ERCC6: variants seen among roughly 807,000 people sequenced by gnomAD.
The protein encoded by ERCC6 is DNA excision repair protein ERCC-6.
ERCC6 carries 116 observed loss-of-function variants against 158.7 expected under a neutral mutation model. The observed-to-expected ratio is 0.73, with a 90% confidence interval of 0.63 to 0.85. The LOEUF is 0.85. ERCC6 is among the 40% of genes least tolerant of loss of function. ERCC6 has a pLI of 0.00. For missense variants in ERCC6, 1,698 were observed against 1,799.4 expected (o/e 0.94, Z 1.02); for synonymous variants, 678 against 659.3 (o/e 1.03, Z -0.43).
chr10:49,536,044 A>ACCT (rs1258708257), intron 1 of ERCC6, among the ~76,000 whole-genome samples: 1 of 152,220 alleles, frequency 6.6e-6, no homozygotes. Context: ...TGAACCCAGG[A>ACCT]GGCAGAGGTT....
At chr10:49,517,798 C>G (rs1590461096) in intron 5 of ERCC6, among the ~76,000 whole-genome samples, 1 of 152,070 alleles carries the variant, frequency 6.6e-6, no homozygotes, top group African/African-American at 2.4e-5. Context: ...CCTGCCTTGG[C>G]CTCCTAAAGT....
intron 20 of ERCC6, 79 bp downstream of exon 20, chr10:49,460,294 A>C: frequency 2.0e-6 from 2 of 1,006,930 alleles, no homozygotes; most frequent in Non-Finnish European, 3.2e-6. Context: ...TTTTCTTCAC[A>C]TCCAGAATCA....
the ERCC6 span, among the ~76,000 whole-genome samples, chr10:49,440,422 C>T: frequency 6.6e-6 from 1 of 152,104 alleles, no homozygotes; most frequent in Non-Finnish European, 1.5e-5. Flanking sequence ...TCCGCCTGGT[C>T]CCTCCCACAA....
At chr10:49,460,864 G>A (rs569379516) in intron 19 of ERCC6, among the ~76,000 whole-genome samples, 39 of 152,034 alleles carry the variant, frequency 2.6e-4, no homozygotes, top group South Asian at 8.3e-4. Flanking sequence ...ACTCCAGCCC[G>A]GGCGAAAGGG....
intron 6 of ERCC6, chr10:49,504,073 T>C (rs1206498565): frequency 6.6e-6 from 1 of 152,214 alleles, no homozygotes; most frequent in Non-Finnish European, 1.5e-5. Flanking sequence ...TTGTACCTTC[T>C]GACTCCCTTG....
Position 49,524,749 on chromosome 10 carries a change from C to T in ERCC6, c.681G>A (p.Met227Ile), listed in dbSNP as rs1837270647. Residue 227 changes from methionine (M) to isoleucine (I), a missense_variant, in exon 5 of 21, where the codon ATG becomes ATA. By Grantham distance (10) the Met-to-Ile change is conservative (BLOSUM62 1). Coordinates refer to ENST00000355832, the MANE Select transcript of ERCC6 (RefSeq NM_000124.4). ...AEPGPSSLGSMLMPVQETAWE... is the reference protein window; with the variant it reads ...AEPGPSSLGSILMPVQETAWE... ...AGGCAGTCTCCTGGACAGGCATGAG[C>T]ATGCTGCCAAGACTGGATGGCCCCG... 6.2e-7 allele frequency: 1 copy of T among 1,603,838 alleles called. No homozygotes were observed. Among genetic ancestry groups the T allele is most frequent in the East Asian group, 2.2e-5 (1 of 44,854 alleles).
At chr10:49,481,925 C>T (rs1850987016) in intron 10 of ERCC6, among the ~76,000 whole-genome samples, 1 of 152,212 alleles carries the variant, frequency 6.6e-6, no homozygotes, top group Admixed American at 6.5e-5. Context: ...TGCCAGCCTC[C>T]CTCTTGTGAC....
chr10:49,516,201 C>T, intron 5 of ERCC6: 2 of 1,614,110 alleles, frequency 1.2e-6, no homozygotes, highest in Non-Finnish European at 1.7e-6. Context: ...GCAAATGTAG[C>T]CCAGACAGGT....
chr10:49,460,358 G>A lies in ERCC6; in HGVS notation c.4062+15C>T. ...CAAGTCTCACCCTGGAAAGCAAAAA[G>A]GTTATCTATATTACCTGGCACTTCT... On this transcript the variant is annotated intron_variant, in intron 20 of 20. Transcript: ENST00000355832. The A allele has an allele frequency of 6.3e-7, 1 of 1,588,482 alleles. No individual in the cohort carries two copies. Among genetic ancestry groups the A allele is most frequent in the Non-Finnish European group, 8.6e-7 (1 of 1,156,740 alleles).
Position 49,524,154 on chromosome 10 carries a change from A to T in ERCC6, c.1276T>A (p.Phe426Ile), listed in dbSNP as rs1439096540. The T allele has an allele frequency of 2.5e-6, 4 of 1,614,002 alleles. No individual in the cohort carries two copies. Among genetic ancestry groups the T allele is most frequent in the Non-Finnish European group, 3.4e-6 (4 of 1,180,012 alleles). Residue 426 changes from phenylalanine (F) to isoleucine (I), a missense_variant, in exon 5 of 21, where the codon TTT (phenylalanine) becomes ATT (isoleucine). Phe to Ile is a conservative substitution (Grantham distance 21, BLOSUM62 0). Transcript: ENST00000355832. ...KVPVQEIDDD[F>I]FPSSGEEAEA... is the part of the protein sequence containing the mutation. Reference sequence around the variant, plus strand: ...GCTTCTTCCCCAGAACTTGGGAAAAAGTCATCATCAATCTCCTGCACTGGC... The same window carrying T: ...GCTTCTTCCCCAGAACTTGGGAAAATGTCATCATCAATCTCCTGCACTGGC...
chr10:49,539,157 G>A (rs963754279), upstream of ERCC6: 2 of 152,328 alleles, frequency 1.3e-5, no homozygotes, highest in Admixed American at 1.3e-4. Context: ...TTTAAGCACG[G>A]GCAAGACCAC....
In ERCC6 at chr10:49,482,710, AT is replaced by A; in HGVS notation, c.2145del (p.Tyr716IlefsTer23). ...EQFSVPITMG[G>X]YSNASPVQVK... is the part of the protein sequence containing the mutation. Reference sequence around the variant, plus strand: ...ACCTGTACTGGGGAAGCATTTGAATATCCCCCCATGGTGATGGGGACGGAGA... The same window carrying A: ...ACCTGTACTGGGGAAGCATTTGAATACCCCCCATGGTGATGGGGACGGAGA... On this transcript the variant is annotated frameshift_variant, in exon 10 of 21. Transcript: ENST00000355832. LOFTEE classifies it high-confidence loss of function. 1 of 1,613,980 alleles carries A rather than the reference AT, an allele frequency of 6.2e-7. No individual in the cohort carries two copies. The highest frequency in any genetic ancestry group is 8.5e-7 in the Non-Finnish European group (1 of 1,179,910).
At chr10:49,505,759 T>C (rs1242926140) in intron 6 of ERCC6, 125 bp downstream of exon 6, 2 of 1,131,960 alleles carry the variant, frequency 1.8e-6, no homozygotes, top group Non-Finnish European at 2.6e-6. Context: ...ACAGTATCTG[T>C]TTTTGCAACA....
chr10:49,479,309 G>T (rs754303887), intron 10 of ERCC6, among the ~76,000 whole-genome samples: 22 of 151,986 alleles, frequency 1.4e-4, no homozygotes, highest in Admixed American at 3.3e-4. Context: ...ATAAAAAAGA[G>T]CTTGACCACA....
intron 3 of ERCC6, 107 bp from the exon 4 acceptor site, chr10:49,528,632 A>C (rs1837397286): frequency 7.4e-7 from 1 of 1,350,160 alleles, no homozygotes; most frequent in Non-Finnish European, 1.0e-6. Context: ...GTAAAATAAA[A>C]ATAATATACA....
At position 49,471,034 on chromosome 10, in the gene ERCC6, A is replaced by G; in HGVS notation, c.3011T>C (p.Leu1004Pro). The G allele has an allele frequency of 1.2e-6, 2 of 1,614,138 alleles. No individual in the cohort carries two copies. The highest frequency in any genetic ancestry group is 1.7e-6 in the Non-Finnish European group (2 of 1,180,016). Residue 1004 changes from leucine (L) to proline (P), a missense_variant, in exon 17 of 21, where the codon CTA becomes CCA. By Grantham distance (98) the Leu-to-Pro change is moderately conservative. Coordinates refer to ENST00000355832, the MANE Select transcript of ERCC6 (RefSeq NM_000124.4). Reference protein sequence around the residue: ...RFFKSNDLYELFTLTSPDASQ... With the variant: ...RFFKSNDLYEPFTLTSPDASQ... ...TGCATCAGGACTAGTCAGAGTAAAT[A>G]GCTCATAGAGATCATTGGATTTGAA...
In ERCC6 at chr10:49,530,826, G is replaced by A. The variant is rs1357871183; in HGVS notation, c.437C>T (p.Ser146Phe). 1.9e-6 allele frequency: 3 copies of A among 1,613,556 alleles called. No individual in the cohort carries two copies. The highest frequency in any genetic ancestry group is 1.7e-6 in the Non-Finnish European group (2 of 1,179,776). ...VLDDLTSCTT[S>F]LRQINKIIEQ... ...AATAATTTTATTGATTTGCCTTAGG[G>A]ATGTCGTACATGACCTGAAAAATAA... Residue 146 changes from serine (S) to phenylalanine (F), a missense_variant, in exon 3 of 21, where the codon TCC (serine) becomes TTC (phenylalanine). Physicochemically the swap from Ser to Phe is radical, Grantham distance 155. Coordinates refer to ENST00000355832, the MANE Select transcript of ERCC6 (RefSeq NM_000124.4).
At chr10:49,472,867 T>C (rs752888214) in intron 15 of ERCC6, 42 bp downstream of exon 15, 22 of 1,601,612 alleles carry the variant, frequency 1.4e-5, no homozygotes, top group Non-Finnish European at 1.9e-5. Context: ...TGAAACTATA[T>C]TTCTACTAAT....
intron 3 of ERCC6, 150 bp downstream of exon 3, chr10:49,530,570 A>T: frequency 1.6e-6 from 2 of 1,251,478 alleles, no homozygotes; most frequent in Non-Finnish European, 2.2e-6. Context: ...CAGAAAGATT[A>T]AACATACAAA....
Sources: allele counts gnomAD v4.1 joint callset (sites outside exome capture counted in the v4.1 genomes callset), GRCh38; gene constraint gnomAD v4.1.1; transcripts MANE v1.5; gene names NCBI Gene and HGNC (gene_info 2026-07-23, HGNC 2026-07-21).